Variants in MAST4 observed in about 807,000 individuals in gnomAD.
The protein encoded by MAST4 is microtubule associated serine/threonine kinase family member 4.
Under a neutral mutation model 162.7 loss-of-function variants are expected in MAST4, and 89 were observed. The observed-to-expected ratio is 0.55, with a 90% confidence interval of 0.46 to 0.65. MAST4 has a LOEUF of 0.65. MAST4 is among the 30% of genes least tolerant of loss of function. The pLI is 0.00. For missense variants in MAST4, 3,153 were observed against 3,374.0 expected (o/e 0.93, Z 1.62); for synonymous variants, 1,479 against 1,361.1 (o/e 1.09, Z -1.91).
At chr5:66,872,151 T>TTTTGTTTGTTTG (rs149530554) in intron 3 of MAST4, among the ~76,000 whole-genome samples, 12 of 150,198 alleles carry the variant, frequency 8.0e-5, no homozygotes, top group South Asian at 2.1e-4. Context: ...GATATAAATT[T>TTTTGTTTGTTTG]TTTGTTTGTT....
intron 26 of MAST4, 99 bp from the exon 27 acceptor site, chr5:67,160,357 G>A (rs1385741515): frequency 2.4e-6 from 3 of 1,253,260 alleles, no homozygotes; most frequent in South Asian, 2.0e-5. Flanking sequence ...TTATATGTAT[G>A]TTCCTTTCTA....
intron 3 of MAST4, among the ~76,000 whole-genome samples, chr5:66,832,228 A>G (rs1262716779): frequency 6.6e-6 from 1 of 151,862 alleles, no homozygotes; most frequent in Admixed American, 6.6e-5. Flanking sequence ...AAATATTACC[A>G]TTTCCATCCA....
chr5:67,110,464 G>T (rs530058993), intron 11 of MAST4, among the ~76,000 whole-genome samples: 27 of 152,220 alleles, frequency 1.8e-4, no homozygotes, highest in Middle Eastern at 3.4e-3. Flanking sequence ...TAATGTACTT[G>T]ACCTTATCTC....
chr5:66,849,277 T>C (rs1561379954), intron 3 of MAST4, among the ~76,000 whole-genome samples: 1 of 152,148 alleles, frequency 6.6e-6, no homozygotes, highest in East Asian at 1.9e-4. Flanking sequence ...AATTCGAAGC[T>C]GAGGAAGCAG....
At chr5:67,069,015 T>A (rs74641899) in intron 5 of MAST4, among the ~76,000 whole-genome samples, 1,565 of 151,808 alleles carry the variant, frequency 0.01, 35 homozygotes, top group African/African-American at 0.035. Flanking sequence ...TTCTCGTTGG[T>A]GGAGAGTCGC....
chr5:67,085,127 A>G (rs1330473775), intron 5 of MAST4, among the ~76,000 whole-genome samples: 1 of 152,144 alleles, frequency 6.6e-6, no homozygotes, highest in Non-Finnish European at 1.5e-5. Context: ...CTGATGAACC[A>G]TATTCTCCCT....
chr5:66,785,188 G>A (rs1041790901), intron 2 of MAST4, among the ~76,000 whole-genome samples: 8 of 152,118 alleles, frequency 5.3e-5, no homozygotes, highest in Admixed American at 1.3e-4. Flanking sequence ...CTGAGATTGC[G>A]CCATTGTACT....
chr5:67,043,240 G>A (rs567543129), intron 4 of MAST4, among the ~76,000 whole-genome samples: 122 of 152,272 alleles, frequency 8.0e-4, no homozygotes, highest in Admixed American at 1.7e-3. Context: ...TCTAGTGGTA[G>A]CAAGTTAAAC....
Position 67,020,366 on chromosome 5 carries a change from T to C in MAST4, c.675-34038T>C, listed in dbSNP as rs1350156531. ...TGGAATTCTGGGAGCATGACCACAT[T>C]ATATCCTTCCAACAATCTGCCACAT... On this transcript the variant is annotated intron_variant, in intron 4 of 28. Coordinates refer to ENST00000403625, the MANE Select transcript of MAST4 (RefSeq NM_001164664.2). Among the ~76,000 whole-genome samples, 3 of 152,334 alleles carry C rather than the reference T, an allele frequency of 2.0e-5. No individual in the cohort carries two copies. In the East Asian group the frequency reaches 5.8e-4, roughly 29 times the overall value.
intron 3 of MAST4, among the ~76,000 whole-genome samples, chr5:66,839,348 G>C (rs951565659): frequency 6.6e-6 from 1 of 152,166 alleles, no homozygotes; most frequent in African/African-American, 2.4e-5. Flanking sequence ...GCTCAAGCCT[G>C]GAGAGAGACT....
In MAST4 at chr5:67,165,027, C is replaced by G. The variant is rs765280516; in HGVS notation, c.5848C>G (p.Leu1950Val). Residue 1950 changes from leucine (L) to valine (V), a missense_variant, in exon 29 of 29, where the codon CTG (leucine) becomes GTG (valine). Transcript: ENST00000403625. The part of the protein sequence containing the change: ...CLGQNLHSPD[L>V]ARPRCPLPPE... ...GGGGCAGAACCTCCACAGCCCTGAC[C>G]TGGCCAGGCCACGCTGCCCGCTCCC... 9.9e-6 allele frequency: 16 copies of G among 1,612,400 alleles called. No homozygotes were observed. Among genetic ancestry groups the G allele is most frequent in the Admixed American group, 1.7e-5 (1 of 59,760 alleles).
At chr5:66,619,799 T>TA (rs1043588471) in intron 1 of MAST4, among the ~76,000 whole-genome samples, 2 of 151,886 alleles carry the variant, frequency 1.3e-5, no homozygotes, top group African/African-American at 2.4e-5. Flanking sequence ...ATTTAATTTT[T>TA]AAAAAAAATT....
At chr5:66,916,098 A>G (rs1764101959) in intron 4 of MAST4, among the ~76,000 whole-genome samples, 1 of 152,248 alleles carries the variant, frequency 6.6e-6, no homozygotes, top group African/African-American at 2.4e-5. Flanking sequence ...TGTTAATAGC[A>G]TGCTGAAATG....
intron 1 of MAST4, among the ~76,000 whole-genome samples, chr5:66,664,900 G>A (rs1747150177): frequency 6.6e-6 from 1 of 152,178 alleles, no homozygotes; most frequent in African/African-American, 2.4e-5. Flanking sequence ...AGGAAGATTA[G>A]ACTCACCTGA....
At chr5:66,838,464 C>T (rs1162424679) in intron 3 of MAST4, among the ~76,000 whole-genome samples, 2 of 152,114 alleles carry the variant, frequency 1.3e-5, no homozygotes, top group Admixed American at 6.6e-5. Context: ...CTTAAACTTA[C>T]CCTATTGTAC....
intron 5 of MAST4, among the ~76,000 whole-genome samples, chr5:67,071,051 C>A (rs1430244745): frequency 1.3e-5 from 2 of 152,100 alleles, no homozygotes; most frequent in African/African-American, 4.8e-5. Context: ...TAATAATATG[C>A]CTTTTTGGTG....
Position 67,145,350 on chromosome 5 carries a change from C to G in MAST4, c.3065C>G (p.Ala1022Gly), listed in dbSNP as rs1490137946. 1.9e-6 allele frequency: 3 copies of G among 1,613,112 alleles called. No individual in the cohort carries two copies. Among genetic ancestry groups the G allele is most frequent in the Non-Finnish European group, 2.5e-6 (3 of 1,179,882 alleles). ...AQEEPEVTTP[A>G]STISSSTLSV... ...GAGGAGCCTGAGGTCACCACCCCAG[C>G]CAGCACCATCAGCAGCTCCACCCTG... Residue 1022 changes from alanine (A) to glycine (G), a missense_variant, in exon 23 of 29, where the codon GCC becomes GGC. By Grantham distance (60) the Ala-to-Gly change is moderately conservative. Transcript: ENST00000403625.
At chr5:66,618,108 A>G (rs1743832863) in intron 1 of MAST4, among the ~76,000 whole-genome samples, 1 of 151,636 alleles carries the variant, frequency 6.6e-6, no homozygotes. Flanking sequence ...CCAGGGTTGT[A>G]GGAGCACCGG....
chr5:66,626,445 A>G (rs1464607258), intron 1 of MAST4, among the ~76,000 whole-genome samples: 26 of 152,218 alleles, frequency 1.7e-4, no homozygotes, highest in Admixed American at 1.7e-3. Context: ...TATATCTTGG[A>G]GAAGGTGCAA....
Sources: gnomAD v4.1 joint callset for allele counts (sites outside exome capture counted in the v4.1 genomes callset) on GRCh38, gnomAD v4.1.1 for gene constraint, MANE v1.5 for transcripts, NCBI Gene and HGNC (gene_info 2026-07-23, HGNC 2026-07-21) for gene names.